Variants in WDR64 observed in about 807,000 individuals in gnomAD.
The protein encoded by WDR64 is WD repeat domain 64.
In WDR64, 112 loss-of-function variants were observed where a neutral mutation model predicts 139.3. The observed-to-expected ratio is 0.80, with a 90% confidence interval of 0.69 to 0.94. The LOEUF is 0.94. Among genes scored for constraint, WDR64 ranks in the 40% least tolerant of loss-of-function variants. The pLI, the probability that WDR64 is intolerant of heterozygous loss-of-function variation, is 0.00. For missense variants in WDR64, 1,206 were observed against 1,293.1 expected (o/e 0.93, Z 1.03); for synonymous variants, 444 against 437.7 (o/e 1.01, Z -0.18).
In WDR64 at chr1:241,790,703, T is replaced by TAA. The variant is rs35435449; in HGVS notation, c.2997+24_2997+25dup. On this transcript the variant is annotated splice_region_variant and intron_variant, in intron 25 of 27. Transcript: ENST00000437684. ...GTCTCTTTCTTCTCCTAAGGTAGCTTAAAAAAAAAAAAAAAAAAGAAATGG... is the reference window on the plus strand; with the variant it reads ...GTCTCTTTCTTCTCCTAAGGTAGCTTAAAAAAAAAAAAAAAAAAAAGAAATGG... 4.1e-4 allele frequency: 530 copies of TAA among 1,284,326 alleles called. No homozygotes were observed. The highest frequency in any genetic ancestry group is 1.1e-3 in the South Asian group (80 of 70,140). 79.6% of individuals were successfully genotyped at this position (1,284,326 alleles called of 1,614,324 possible). A position where few individuals can be genotyped will look rare whatever the true frequency, so the allele number is the denominator to read the frequency against.
At chr1:241,712,455 G>A (rs1189447954) in intron 9 of WDR64, among the ~76,000 whole-genome samples, 2 of 152,170 alleles carry the variant, frequency 1.3e-5, no homozygotes, top group African/African-American at 4.8e-5. Flanking sequence ...TTTGTCGGGG[G>A]AAGGTAGGGG....
At chr1:241,732,385 T>C (rs1301089278) in intron 10 of WDR64, among the ~76,000 whole-genome samples, 1 of 152,236 alleles carries the variant, frequency 6.6e-6, no homozygotes, top group African/African-American at 2.4e-5. Flanking sequence ...AGGGCTTCTA[T>C]TAATCTTTGT....
At position 241,723,404 on chromosome 1, in the gene WDR64, G is replaced by T. The variant is rs1162338603; in HGVS notation, c.1162G>T (p.Asp388Tyr). The T allele has an allele frequency of 6.2e-7, 1 of 1,613,756 alleles. No individual in the cohort carries two copies. Among genetic ancestry groups the T allele is most frequent in the Admixed American group, 1.7e-5 (1 of 59,968 alleles). The change falls in exon 10 of 28, where the codon GAT becomes TAT. Residue 388 changes from aspartate (D) to tyrosine (Y), a missense_variant. Asp to Tyr is a radical substitution (Grantham distance 160). Coordinates refer to ENST00000437684, the MANE Select transcript of WDR64 (RefSeq NM_001367482.1). ...CGCCGAGATCGTAACCAATGAAAAA[G>T]ATCAACATGTCGTCAGCCTTTCCTC... is the stretch of plus-strand genomic sequence containing the variant. The part of the protein sequence containing the change: ...SIAEIVTNEK[D>Y]QHVVSLSSAK...
intron 6 of WDR64, 64 bp from the exon 7 acceptor site, chr1:241,683,423 T>C: frequency 2.0e-6 from 3 of 1,466,134 alleles, no homozygotes; most frequent in Non-Finnish European, 2.8e-6. Context: ...TGTCAAATAA[T>C]AGGGGAAATA....
chr1:241,769,527 C>T (rs1166036001), intron 17 of WDR64, 22 bp downstream of exon 17: 2 of 1,538,282 alleles, frequency 1.3e-6, no homozygotes, highest in Non-Finnish European at 1.8e-6. Context: ...CTTACTGAAC[C>T]AGTAATACTG....
intron 25 of WDR64, among the ~76,000 whole-genome samples, chr1:241,791,043 T>C (rs1659201060): frequency 1.3e-5 from 2 of 152,094 alleles, no homozygotes; most frequent in Non-Finnish European, 1.5e-5. Context: ...CTCAGAACTT[T>C]TGGGAGGCCG....
chr1:241,755,711 T>C (rs529715137), intron 14 of WDR64, among the ~76,000 whole-genome samples: 38 of 152,374 alleles, frequency 2.5e-4, no homozygotes, highest in Non-Finnish European at 4.9e-4. Context: ...TTTAAGTCTT[T>C]AATCCATCTT....
chr1:241,692,566 T>A (rs1378202950), intron 8 of WDR64, among the ~76,000 whole-genome samples: 1 of 152,168 alleles, frequency 6.6e-6, no homozygotes, highest in Non-Finnish European at 1.5e-5. Flanking sequence ...AAAGAAATAA[T>A]TGATGAGCTG....
chr1:241,772,388 G>A lies in WDR64; in HGVS notation c.2291-404G>A, dbSNP rs544699482. On this transcript the variant is annotated intron_variant, in intron 19 of 27. Transcript: ENST00000437684. ...TGTGGCTTTTGCTATTTTCTTGTCT[G>A]CCTTGTGTTTTACATTCCATAAAAA... Among the ~76,000 whole-genome samples, 20 of 136,192 alleles carry A rather than the reference G, an allele frequency of 1.5e-4. No individual in the cohort carries two copies. The South Asian group carries it at 4.7e-3, about 32-fold the overall frequency. 89.3% of individuals were successfully genotyped at this position (136,192 alleles called of 152,430 possible). A position where few individuals can be genotyped will look rare whatever the true frequency, so the allele number is the denominator to read the frequency against.
At chr1:241,665,210 A>T (rs930722879) in intron 2 of WDR64, among the ~76,000 whole-genome samples, 1 of 151,350 alleles carries the variant, frequency 6.6e-6, no homozygotes, top group African/African-American at 2.4e-5. Context: ...CTTGAGATTT[A>T]AAAAAAAATG....
Position 241,674,644 on chromosome 1 carries a change from G to A in WDR64, c.380G>A (p.Gly127Asp). Reference sequence around the variant, plus strand: ...GAAATGAATATTATGCTGTTGACAGGTAGTAGAAGACGAGATGTGATTAAG... The same window carrying A: ...GAAATGAATATTATGCTGTTGACAGATAGTAGAAGACGAGATGTGATTAAG... ...VSRKRRILIS[G>D]SRRRDVIKSI... is the part of the protein sequence containing the mutation. The change falls in exon 4 of 28, where the codon GGT becomes GAT. Residue 127 changes from glycine to aspartate, a missense_variant and splice_region_variant. Gly to Asp is a moderately conservative substitution (Grantham distance 94, BLOSUM62 -1). Transcript: ENST00000437684. The A allele has an allele frequency of 6.5e-7, 1 of 1,536,922 alleles. No individual in the cohort carries two copies. The highest frequency in any genetic ancestry group is 1.4e-5 in the African/African-American group (1 of 72,712).
At chr1:241,690,711 C>T (rs1467256802) in intron 8 of WDR64, among the ~76,000 whole-genome samples, 1 of 151,972 alleles carries the variant, frequency 6.6e-6, no homozygotes, top group Non-Finnish European at 1.5e-5. Flanking sequence ...AATATGCTAT[C>T]AGTATACCTG....
At chr1:241,742,178 T>C (rs931893283) in intron 12 of WDR64, among the ~76,000 whole-genome samples, 22 of 152,228 alleles carry the variant, frequency 1.4e-4, no homozygotes, top group Non-Finnish European at 5.9e-5. Flanking sequence ...GCAACATAGC[T>C]GGCATAAGCA....
intron 25 of WDR64, among the ~76,000 whole-genome samples, chr1:241,794,514 T>TTTG (rs1553382967): frequency 7.0e-6 from 1 of 142,034 alleles, no homozygotes; most frequent in Non-Finnish European, 1.5e-5. Context: ...GTTTTTTTTT[T>TTTG]TTTTTTTTTT....
At chr1:241,666,983 A>T (rs1417261531) in intron 2 of WDR64, among the ~76,000 whole-genome samples, 5 of 152,208 alleles carry the variant, frequency 3.3e-5, no homozygotes, top group African/African-American at 1.2e-4. Flanking sequence ...CTTGCATAGG[A>T]CATTGCTCCT....
intron 2 of WDR64, among the ~76,000 whole-genome samples, chr1:241,665,654 GA>G (rs1432160145): frequency 6.6e-6 from 1 of 152,094 alleles, no homozygotes; most frequent in Non-Finnish European, 1.5e-5. Context: ...AATTTATAAT[GA>G]AAAAAATTTA....
Position 241,660,629 on chromosome 1 carries a change from A to G in WDR64, c.245A>G (p.Asn82Ser). The G allele has an allele frequency of 6.4e-7, 1 of 1,551,634 alleles. No homozygotes were observed. ...AAACGCTTTTACAGGAAACTGTGCA[A>G]CAACACGGATGCATCTGCAGACTGG... ...DVKRFYRKLC[N>S]NTDASADWCE... Residue 82 changes from asparagine to serine, a missense_variant, in exon 2 of 28, where the codon AAC (asparagine) becomes AGC (serine). Transcript: ENST00000437684.
intron 14 of WDR64, among the ~76,000 whole-genome samples, chr1:241,752,868 A>C (rs564758319): frequency 2.0e-5 from 3 of 152,246 alleles, no homozygotes; most frequent in East Asian, 1.9e-4. Flanking sequence ...CACACACACA[A>C]AAAACAAACC....
intron 1 of WDR64, among the ~76,000 whole-genome samples, chr1:241,658,555 C>CTTGGGGG (rs1317472447): frequency 6.7e-6 from 1 of 149,838 alleles, no homozygotes; most frequent in Non-Finnish European, 1.5e-5. Flanking sequence ...GGGAGGATCA[C>CTTGGGGG]TTGATCCTGG....
Sources: gnomAD v4.1 joint callset for allele counts (sites outside exome capture counted in the v4.1 genomes callset) on GRCh38, gnomAD v4.1.1 for gene constraint, MANE v1.5 for transcripts, NCBI Gene and HGNC (gene_info 2026-07-23, HGNC 2026-07-21) for gene names.